Variants in IGSF11 observed in about 807,000 individuals in gnomAD.
IGSF11 encodes the protein immunoglobulin superfamily member 11.
A neutral mutation model predicts 41.0 loss-of-function variants in IGSF11; 22 were observed. The ratio of observed to expected loss-of-function variants is 0.54; its 90% CI spans 0.38 to 0.77. The LOEUF (loss-of-function observed/expected upper bound fraction) is 0.77. Among genes scored for constraint, IGSF11 ranks in the 30% least tolerant of loss-of-function variants. The pLI is 0.00. For missense variants in IGSF11, 444 were observed against 530.8 expected, an observed-to-expected ratio of 0.84 and a Z score of 1.61; for synonymous variants, 219 against 201.3, an observed-to-expected ratio of 1.09 and a Z score of -0.74.
intron 1 of IGSF11, among the ~76,000 whole-genome samples, chr3:119,056,663 C>T (rs185528531): frequency 6.6e-6 from 1 of 152,248 alleles, no homozygotes; most frequent in African/African-American, 2.4e-5. Flanking sequence ...GGCAGAGACA[C>T]AATAAAAACA....
chr3:118,920,267 AAC>A (rs1180788542), intron 4 of IGSF11, among the ~76,000 whole-genome samples: 5 of 151,812 alleles, frequency 3.3e-5, no homozygotes, highest in African/African-American at 1.2e-4. Context: ...TAAAAAAAAA[AAC>A]AATAATGTGT....
chr3:118,946,170 C>T lies in IGSF11; in HGVS notation c.53-15895G>A, dbSNP rs182676790. 12 of 151,266 alleles carry T rather than the reference C, an allele frequency of 7.9e-5. 1 individual carries two copies. In the East Asian group the frequency reaches 1.2e-3, roughly 15 times the overall value. 9.4% of individuals were successfully genotyped at this position (151,266 alleles called of 1,614,324 possible). ...AACAGATGGGAAGACAAAAAATATACGTACATTATTAACCATTGGCTACAC... is the reference window on the plus strand; with the variant it reads ...AACAGATGGGAAGACAAAAAATATATGTACATTATTAACCATTGGCTACAC... On this transcript the variant is annotated intron_variant, in intron 1 of 6. Coordinates refer to ENST00000393775, the MANE Select transcript of IGSF11 (RefSeq NM_001015887.3).
At chr3:119,054,793 A>G (rs552694683) in intron 1 of IGSF11, among the ~76,000 whole-genome samples, 1 of 152,234 alleles carries the variant, frequency 6.6e-6, no homozygotes, top group African/African-American at 2.4e-5. Context: ...ATGCCCATCA[A>G]CCAATGAGTG....
chr3:119,013,226 T>C (rs1938333307), intron 1 of IGSF11: 1 of 152,226 alleles, frequency 6.6e-6, no homozygotes, highest in Non-Finnish European at 1.5e-5. Context: ...TAGGCTCACT[T>C]CTTCTGCCCC....
chr3:118,998,473 G>GA (rs1456031920), intron 1 of IGSF11, among the ~76,000 whole-genome samples: 1 of 142,502 alleles, frequency 7.0e-6, no homozygotes, highest in Admixed American at 7.2e-5. Flanking sequence ...AAAATCCATT[G>GA]GGGGGGAAAA....
chr3:119,030,380 G>A (rs1025452440), intron 1 of IGSF11, among the ~76,000 whole-genome samples: 1 of 152,132 alleles, frequency 6.6e-6, no homozygotes, highest in Non-Finnish European at 1.5e-5. Context: ...TGATGCGGTA[G>A]ATCATTGGCT....
intron 1 of IGSF11, among the ~76,000 whole-genome samples, chr3:119,044,079 A>G (rs1242556866): frequency 6.6e-6 from 1 of 152,228 alleles, no homozygotes; most frequent in African/African-American, 2.4e-5. Flanking sequence ...TTGCCAAATA[A>G]AGAATTCAGA....
intron 1 of IGSF11, among the ~76,000 whole-genome samples, chr3:119,040,828 C>A (rs1023458096): frequency 2.0e-5 from 3 of 152,118 alleles, no homozygotes; most frequent in Non-Finnish European, 4.4e-5. Flanking sequence ...CATTCTTTGA[C>A]CACAATGGTA....
intron 1 of IGSF11, among the ~76,000 whole-genome samples, chr3:119,016,291 T>C (rs1306536036): frequency 6.6e-6 from 1 of 152,176 alleles, no homozygotes; most frequent in East Asian, 1.9e-4. Context: ...TGGCATGTGT[T>C]CAAAGGTTCT....
intron 1 of IGSF11, among the ~76,000 whole-genome samples, chr3:118,989,006 G>A (rs1272128605): frequency 6.6e-6 from 1 of 152,142 alleles, no homozygotes; most frequent in African/African-American, 2.4e-5. Context: ...AAGAAATGCA[G>A]GCCAGTTGTG....
chr3:118,914,077 A>C (rs1940713657), intron 4 of IGSF11, among the ~76,000 whole-genome samples: 1 of 152,216 alleles, frequency 6.6e-6, no homozygotes, highest in Non-Finnish European at 1.5e-5. Flanking sequence ...CTTCTAGACT[A>C]CATTAAATCA....
chr3:119,106,516 T>G (rs2077028031), upstream of IGSF11, among the ~76,000 whole-genome samples: 1 of 152,210 alleles, frequency 6.6e-6, no homozygotes, highest in Non-Finnish European at 1.5e-5. Flanking sequence ...TCCATCCATG[T>G]TGTCAAAAAT....
At chr3:118,996,563 T>C (rs370693447) in intron 1 of IGSF11, among the ~76,000 whole-genome samples, 53 of 152,248 alleles carry the variant, frequency 3.5e-4, no homozygotes, top group East Asian at 2.5e-3. Flanking sequence ...TGGATTCCCA[T>C]TGCACTTTAA....
At chr3:119,046,310 G>A (rs1336689809) in intron 1 of IGSF11, among the ~76,000 whole-genome samples, 1 of 151,784 alleles carries the variant, frequency 6.6e-6, no homozygotes, top group Non-Finnish European at 1.5e-5. Flanking sequence ...GGAGCTGATG[G>A]AGCTGAAAAC....
chr3:119,108,539 G>A (rs1286238194), upstream of IGSF11, among the ~76,000 whole-genome samples: 2 of 147,282 alleles, frequency 1.4e-5, no homozygotes, highest in Non-Finnish European at 3.0e-5. Flanking sequence ...TGCAAACAGG[G>A]ACAATTTGAC....
At chr3:118,956,225 T>A (rs575155542) in intron 1 of IGSF11, among the ~76,000 whole-genome samples, 1 of 152,320 alleles carries the variant, frequency 6.6e-6, no homozygotes, top group East Asian at 1.9e-4. Context: ...TTATCTTTTA[T>A]CCAGACCATC....
intron 1 of IGSF11, among the ~76,000 whole-genome samples, chr3:118,932,115 A>G (rs1410848588): frequency 6.6e-6 from 1 of 152,232 alleles, no homozygotes; most frequent in African/African-American, 2.4e-5. Context: ...ATTCTAAAAA[A>G]GAAAACTGAT....
intron 1 of IGSF11, chr3:118,945,102 T>C (rs1944016172): frequency 6.6e-6 from 1 of 152,194 alleles, no homozygotes; most frequent in African/African-American, 2.4e-5. Context: ...ACAAAATCAC[T>C]TTGAAGAAAA....
chr3:119,000,707 G>C (rs1481445936), intron 1 of IGSF11, among the ~76,000 whole-genome samples: 1 of 152,038 alleles, frequency 6.6e-6, no homozygotes, highest in Non-Finnish European at 1.5e-5. Flanking sequence ...TGATAATTTT[G>C]AAGACTCAAA....
Sources: allele counts gnomAD v4.1 joint callset (sites outside exome capture counted in the v4.1 genomes callset), GRCh38; gene constraint gnomAD v4.1.1; transcripts MANE v1.5; gene names NCBI Gene and HGNC (gene_info 2026-07-23, HGNC 2026-07-21).